BTAF1: variants seen among roughly 807,000 people sequenced by gnomAD.
BTAF1 encodes TATA-binding protein-associated factor 172.
A neutral mutation model predicts 227.1 loss-of-function variants in BTAF1; 38 were observed. The ratio of observed to expected loss-of-function variants is 0.17; its 90% CI spans 0.13 to 0.22. The LOEUF is 0.22. Among genes scored for constraint, BTAF1 ranks in the 10% least tolerant of loss-of-function variants. The probability of loss-of-function intolerance (pLI) is 1.00; values close to 1 mark genes in which losing one functional copy is unlikely to be tolerated. For missense variants in BTAF1, 1,598 were observed against 2,204.0 expected (o/e 0.73, Z 5.51); for synonymous variants, 742 against 751.9 (o/e 0.99, Z 0.21).
intron 25 of BTAF1, among the ~76,000 whole-genome samples, chr10:92,006,504 A>T (rs573938884): frequency 8.5e-5 from 13 of 152,206 alleles, no homozygotes; most frequent in Non-Finnish European, 1.5e-4. Flanking sequence ...TTACCCATAC[A>T]TGTTTTGTAA....
At chr10:91,962,076 T>C (rs1249734613) in intron 11 of BTAF1, among the ~76,000 whole-genome samples, 1 of 152,234 alleles carries the variant, frequency 6.6e-6, no homozygotes, top group Non-Finnish European at 1.5e-5. Flanking sequence ...GTTACATTTT[T>C]GTTTATGTGA....
At chr10:91,960,223 T>C (rs1432423598) in intron 11 of BTAF1, 69 bp downstream of exon 11, 4 of 1,471,414 alleles carry the variant, frequency 2.7e-6, no homozygotes, top group African/African-American at 2.8e-5. Context: ...TTTCACTAAT[T>C]AGACGAAATG....
chr10:91,940,072 T>C lies in BTAF1; in HGVS notation c.253+6T>C. The C allele has an allele frequency of 6.3e-7, 1 of 1,587,598 alleles. No individual in the cohort carries two copies. The highest frequency in any genetic ancestry group is 8.6e-7 in the Non-Finnish European group (1 of 1,157,982). On this transcript the variant is annotated splice_donor_region_variant and intron_variant, in intron 3 of 37. Transcript: ENST00000265990. ...AGTGCCGAGAACCAGACAAGGTGCT[T>C]TTAAGTGGAGAAAGTAGTTTTAAGT... is the stretch of plus-strand genomic sequence containing the variant.
chr10:91,991,797 G>GTGTATATA (rs1554860529), intron 20 of BTAF1, among the ~76,000 whole-genome samples: 11 of 9,982 alleles, frequency 1.1e-3, no homozygotes, highest in African/African-American at 2.0e-3. Context: ...GTGTGTGTGT[G>GTGTATATA]TATATATATA....
intron 11 of BTAF1, among the ~76,000 whole-genome samples, chr10:91,960,979 C>A (rs1448335216): frequency 6.6e-6 from 1 of 152,148 alleles, no homozygotes; most frequent in African/African-American, 2.4e-5. Context: ...GCTGTGTAAT[C>A]TATATATACA....
chr10:91,967,982 C>T (rs1847040838), intron 14 of BTAF1, among the ~76,000 whole-genome samples: 1 of 152,106 alleles, frequency 6.6e-6, no homozygotes, highest in Non-Finnish European at 1.5e-5. Context: ...ACATAGTTCC[C>T]CTTATTGTTA....
chr10:91,982,466 T>A, intron 17 of BTAF1, 121 bp from the exon 18 acceptor site: 1 of 1,224,052 alleles, frequency 8.2e-7, no homozygotes, highest in Non-Finnish European at 1.1e-6. Flanking sequence ...GGAAAAGTTA[T>A]GGCTTCAAAA....
chr10:91,945,006 A>G (rs1239108290), intron 4 of BTAF1, among the ~76,000 whole-genome samples: 1 of 152,236 alleles, frequency 6.6e-6, no homozygotes. Flanking sequence ...AGGCTATACC[A>G]TACAGTGTAG....
chr10:91,961,633 T>C (rs1846524928), intron 11 of BTAF1, among the ~76,000 whole-genome samples: 1 of 152,138 alleles, frequency 6.6e-6, no homozygotes, highest in Non-Finnish European at 1.5e-5. Flanking sequence ...CCTTTTTTTC[T>C]GTGTTCTGCA....
chr10:91,955,862 A>G (rs1846051924), intron 6 of BTAF1, among the ~76,000 whole-genome samples: 1 of 152,192 alleles, frequency 6.6e-6, no homozygotes, highest in African/African-American at 2.4e-5. Flanking sequence ...TGGTTGGCCA[A>G]ATAAATTTCA....
chr10:91,988,147 AGCAACTT>A (rs914160282), intron 19 of BTAF1, among the ~76,000 whole-genome samples: 9 of 152,202 alleles, frequency 5.9e-5, no homozygotes, highest in African/African-American at 2.2e-4. Flanking sequence ...GTATTCCCAC[AGCAACTT>A]GCACTTACCT....
rs1261747579 is a variant in BTAF1, at chr10:92,008,877, A to G, written c.3862A>G (p.Ile1288Val). ...AFLNKYKLHG[I>V]LCDDMGLGKT... ...TCTTAATAAGTATAAACTTCATGGAATTCTGTGTGATGACATGGGTTTAGG... is the reference window on the plus strand; with the variant it reads ...TCTTAATAAGTATAAACTTCATGGAGTTCTGTGTGATGACATGGGTTTAGG... The change falls in exon 27 of 38, where the codon ATT becomes GTT. Residue 1288 changes from isoleucine (I) to valine (V), a missense_variant. By Grantham distance (29) the Ile-to-Val change is conservative. Coordinates refer to ENST00000265990, the MANE Select transcript of BTAF1 (RefSeq NM_003972.3). 1 of 1,613,162 alleles carries G rather than the reference A, an allele frequency of 6.2e-7. No homozygotes were observed. The highest frequency in any genetic ancestry group is 1.7e-5 in the Admixed American group (1 of 59,998).
chr10:91,945,800 C>A (rs1181141890), intron 4 of BTAF1, among the ~76,000 whole-genome samples: 2 of 152,132 alleles, frequency 1.3e-5, no homozygotes, highest in African/African-American at 2.4e-5. Context: ...GGTATATACC[C>A]AGAAGTAAAT....
chr10:91,960,497 C>G (rs1846425924), intron 11 of BTAF1, among the ~76,000 whole-genome samples: 1 of 151,776 alleles, frequency 6.6e-6, no homozygotes, highest in South Asian at 2.1e-4. Context: ...CAACATGGTG[C>G]CAAGTTATGC....
intron 33 of BTAF1, among the ~76,000 whole-genome samples, chr10:92,017,109 C>T (rs1408910802): frequency 6.6e-6 from 1 of 152,142 alleles, no homozygotes; most frequent in Admixed American, 6.5e-5. Flanking sequence ...GACTCCTTCC[C>T]TTGTAGAGAT....
At chr10:91,984,176 CTAT>C in intron 18 of BTAF1, 22 bp from the exon 19 acceptor site, 1 of 1,596,606 alleles carries the variant, frequency 6.3e-7, no homozygotes, top group Non-Finnish European at 8.6e-7. Flanking sequence ...TACAGTTACC[CTAT>C]TTGTTTTCTG....
intron 30 of BTAF1, 123 bp from the exon 31 acceptor site, chr10:92,013,544 T>A: frequency 7.9e-7 from 1 of 1,270,442 alleles, no homozygotes; most frequent in African/African-American, 1.5e-5. Context: ...ACACCATATG[T>A]CTAAAAATAT....
chr10:91,997,228 A>C (rs1255247454), intron 24 of BTAF1: 1 of 1,058,720 alleles, frequency 9.4e-7, no homozygotes, highest in South Asian at 1.3e-5. Flanking sequence ...TTTGGAATTA[A>C]TCTTTGAGTG....
At position 92,029,519 on chromosome 10, in the gene BTAF1, T is replaced by G. The variant is rs941003722; in HGVS notation, c.*586T>G. 1.1e-4 allele frequency: 16 copies of G among 152,064 alleles called. No individual in the cohort carries two copies. Among genetic ancestry groups the G allele is most frequent in the Admixed American group, 1.0e-3 (16 of 15,262 alleles). The allele number at this position is 152,064 out of a possible 1,614,324, so 9.4% of individuals were successfully genotyped here. On this transcript the variant is annotated 3_prime_UTR_variant, in exon 38 of 38. Coordinates refer to ENST00000265990, the MANE Select transcript of BTAF1 (RefSeq NM_003972.3). ...GTGTTTTTCAAATCTTTAACATCAT[T>G]TTTTCAACTTTTAAGATATAATATC... is the stretch of plus-strand genomic sequence containing the variant.
Sources: gnomAD v4.1 joint callset for allele counts (sites outside exome capture counted in the v4.1 genomes callset) on GRCh38, gnomAD v4.1.1 for gene constraint, MANE v1.5 for transcripts, NCBI Gene and HGNC (gene_info 2026-07-23, HGNC 2026-07-21) for gene names.